Variants in ARIH2 observed in about 807,000 individuals in gnomAD.
The protein encoded by ARIH2 is E3 ubiquitin-protein ligase ARIH2.
ARIH2 carries 12 observed loss-of-function variants against 79.8 expected under a neutral mutation model. That is an observed-to-expected ratio of 0.15 (90% CI 0.10 to 0.24). The LOEUF (loss-of-function observed/expected upper bound fraction) is 0.24, where lower values mean the gene tolerates loss of function less well. ARIH2 is among the 10% of genes least tolerant of loss of function. The pLI is 1.00. For synonymous variants in ARIH2, 224 were observed against 213.9 expected (o/e 1.05, Z -0.41); for missense variants, 301 against 618.3 (o/e 0.49, Z 5.44).
intron 5 of ARIH2, among the ~76,000 whole-genome samples, chr3:48,965,307 C>T (rs545531968): frequency 1.3e-5 from 2 of 152,164 alleles, no homozygotes; most frequent in East Asian, 3.9e-4. Flanking sequence ...TTGCAGTGAG[C>T]CAAGATCATG....
rs1466945665 is a variant in ARIH2, at chr3:48,984,132, A to C, written c.*862A>C. On this transcript the variant is annotated 3_prime_UTR_variant, in exon 16 of 16. Coordinates refer to ENST00000356401, the MANE Select transcript of ARIH2 (RefSeq NM_006321.4). ...TCCTAAAGATAGGGATCTACTTTTG[A>C]AGGGAATTGTTCCTCCCAAATAAAT... The C allele has an allele frequency of 1.3e-5, 2 of 152,596 alleles. No individual in the cohort carries two copies. Among genetic ancestry groups the C allele is most frequent in the Admixed American group, 6.5e-5 (1 of 15,268 alleles). 9.5% of individuals were successfully genotyped at this position (152,596 alleles called of 1,614,324 possible).
rs1411798840 is a variant in ARIH2, at chr3:48,984,078, G to A, written c.*808G>A. ...CCTGTGGCCCCCCAAACTAGGGGGT[G>A]TGGGTTCATCACAGTGTTGCCTTTT... On this transcript the variant is annotated 3_prime_UTR_variant, in exon 16 of 16. Coordinates refer to ENST00000356401, the MANE Select transcript of ARIH2 (RefSeq NM_006321.4). 1 of 152,388 alleles carries A rather than the reference G, an allele frequency of 6.6e-6. No homozygotes were observed. Among genetic ancestry groups the A allele is most frequent in the Non-Finnish European group, 1.5e-5 (1 of 68,070 alleles). 9.4% of individuals were successfully genotyped at this position (152,388 alleles called of 1,614,324 possible).
chr3:48,923,303 G>A (rs2085084792), intron 2 of ARIH2, among the ~76,000 whole-genome samples: 1 of 151,850 alleles, frequency 6.6e-6, no homozygotes, highest in Non-Finnish European at 1.5e-5. Context: ...GAGAGACTGA[G>A]GCAGGAGAAT....
chr3:48,929,329 G>GTCCTTCCT (rs557548707), intron 3 of ARIH2, among the ~76,000 whole-genome samples: 2 of 151,448 alleles, frequency 1.3e-5, no homozygotes, highest in Non-Finnish European at 2.9e-5. Context: ...CCGTCCGTCC[G>GTCCTTCCT]TCCTTCCTTC....
chr3:48,933,318 TG>T (rs2086651004), intron 3 of ARIH2, among the ~76,000 whole-genome samples: 1 of 147,358 alleles, frequency 6.8e-6, no homozygotes, highest in African/African-American at 2.5e-5. Flanking sequence ...TGCCCGGGGG[TG>T]TGTGTGTGTG....
Position 48,933,235 on chromosome 3 carries a change from G to GGT in ARIH2, c.255+5474_255+5475dup, listed in dbSNP as rs57911300. Among the ~76,000 whole-genome samples, 341 of 134,378 alleles carry GGT rather than the reference G, an allele frequency of 2.5e-3. 1 individual carries two copies. The highest frequency in any genetic ancestry group is 4.3e-3 in the Non-Finnish European group (267 of 62,760). The allele number at this position is 134,378 out of a possible 152,430, so 88.2% of individuals were successfully genotyped here. A position where few individuals can be genotyped will look rare whatever the true frequency, so the allele number is the denominator to read the frequency against. On this transcript the variant is annotated intron_variant, in intron 3 of 15. Coordinates refer to ENST00000356401, the MANE Select transcript of ARIH2 (RefSeq NM_006321.4). ...ACCACAGGTGCGCACCACATGCCCG[G>GGT]GTGTGTGTGTGTGTGTGTGTGTGTG...
intron 3 of ARIH2, among the ~76,000 whole-genome samples, chr3:48,939,113 G>A (rs1465696754): frequency 4.0e-5 from 6 of 151,788 alleles, no homozygotes; most frequent in African/African-American, 1.2e-4. Flanking sequence ...GACTACAGGC[G>A]CCTGCCACCA....
At chr3:48,927,941 C>T in intron 3 of ARIH2, 128 bp downstream of exon 3, 1 of 1,145,330 alleles carries the variant, frequency 8.7e-7, no homozygotes, top group Non-Finnish European at 1.2e-6. Flanking sequence ...AAGTGTATGT[C>T]AACATCATTT....
At chr3:48,953,495 C>T (rs865986492) in intron 3 of ARIH2, among the ~76,000 whole-genome samples, 3 of 152,094 alleles carry the variant, frequency 2.0e-5, no homozygotes, top group Middle Eastern at 3.2e-3. Context: ...GCTCCGCCTC[C>T]CGGGTTCACG....
chr3:48,925,918 C>T (rs1270810763), intron 2 of ARIH2, among the ~76,000 whole-genome samples: 6 of 152,062 alleles, frequency 3.9e-5, no homozygotes, highest in Admixed American at 1.3e-4. Flanking sequence ...TGGGGTTTCA[C>T]CACGTTGGCC....
chr3:48,961,074 C>G (rs1331451291), intron 3 of ARIH2, among the ~76,000 whole-genome samples: 1 of 152,336 alleles, frequency 6.6e-6, no homozygotes, highest in East Asian at 1.9e-4. Flanking sequence ...AATTTCGAAA[C>G]TGTCCTTGCA....
intron 15 of ARIH2, 85 bp downstream of exon 15, chr3:48,983,064 C>A: frequency 6.7e-7 from 1 of 1,490,414 alleles, no homozygotes; most frequent in Non-Finnish European, 9.4e-7. Context: ...GGCTTGTGCA[C>A]TGGTAGCTGC....
At chr3:48,981,522 C>T (rs1013593458) in intron 13 of ARIH2, 138 bp from the exon 14 acceptor site, 4 of 561,200 alleles carry the variant, frequency 7.1e-6, no homozygotes, top group African/African-American at 3.9e-5. Flanking sequence ...TCTATTTGGC[C>T]TAGTATCATT....
At chr3:48,935,195 G>A (rs1381822742) in intron 3 of ARIH2, among the ~76,000 whole-genome samples, 2 of 152,116 alleles carry the variant, frequency 1.3e-5, no homozygotes, top group African/African-American at 2.4e-5. Context: ...TACGCCTCCT[G>A]TTATGTTCCT....
intron 3 of ARIH2, among the ~76,000 whole-genome samples, chr3:48,955,834 C>G (rs534498919): frequency 9.2e-5 from 14 of 152,318 alleles, no homozygotes; most frequent in Non-Finnish European, 1.8e-4. Context: ...AGTCAGTTCT[C>G]TCTTGTGACC....
intron 3 of ARIH2, among the ~76,000 whole-genome samples, chr3:48,940,161 G>A (rs1374242982): frequency 3.3e-5 from 5 of 151,800 alleles, no homozygotes; most frequent in Admixed American, 1.3e-4. Flanking sequence ...AGCCAAGATC[G>A]CGCCACTGCA....
intron 3 of ARIH2, among the ~76,000 whole-genome samples, chr3:48,950,239 A>C (rs2089776987): frequency 6.6e-6 from 1 of 152,134 alleles, no homozygotes; most frequent in African/African-American, 2.4e-5. Flanking sequence ...AATTTACCAT[A>C]CATGTATGAG....
chr3:48,980,364 C>T lies in ARIH2; in HGVS notation c.1125C>T (p.His375=). The stretch of plus-strand genomic sequence containing the variant: ...TCTGTGCCCTGTAGTGGGAAAACCA[C>T]AATAAAAGCTTGCAGCTAGAGGCAC... ...YLFYFERWEN[H]NKSLQLEAQT... Residue 375 remains histidine, a synonymous_variant, in exon 13 of 16, where the codon CAC becomes CAT. Coordinates refer to ENST00000356401, the MANE Select transcript of ARIH2 (RefSeq NM_006321.4). 1 of 1,613,490 alleles carries T rather than the reference C, an allele frequency of 6.2e-7. No individual in the cohort carries two copies. The highest frequency in any genetic ancestry group is 1.1e-5 in the South Asian group (1 of 91,048).
intron 1 of ARIH2, among the ~76,000 whole-genome samples, chr3:48,920,412 TTCTC>T (rs903490147): frequency 3.7e-5 from 5 of 135,620 alleles, no homozygotes; most frequent in Non-Finnish European, 4.7e-5. Context: ...TGAAATGGAG[TTCTC>T]TCTCTTTTTT....
Sources: allele counts gnomAD v4.1 joint callset (sites outside exome capture counted in the v4.1 genomes callset), GRCh38; gene constraint gnomAD v4.1.1; transcripts MANE v1.5; gene names NCBI Gene and HGNC (gene_info 2026-07-23, HGNC 2026-07-21).